KCNIP4: variants seen among roughly 807,000 people sequenced by gnomAD.
KCNIP4 encodes potassium voltage-gated channel interacting protein 4.
KCNIP4 carries 12 observed loss-of-function variants against 34.0 expected under a neutral mutation model. The ratio of observed to expected loss-of-function variants is 0.35; its 90% CI spans 0.23 to 0.57. KCNIP4 has a LOEUF of 0.57. Among genes scored for constraint, KCNIP4 ranks in the 20% least tolerant of loss-of-function variants. The pLI, the probability that KCNIP4 is intolerant of heterozygous loss-of-function variation, is 0.83. For missense variants in KCNIP4, 238 were observed against 311.7 expected, an observed-to-expected ratio of 0.76 and a Z score of 1.78; for synonymous variants, 124 against 102.2, an observed-to-expected ratio of 1.21 and a Z score of -1.29.
At chr4:21,419,631 G>A (rs1725280012) in intron 1 of KCNIP4, among the ~76,000 whole-genome samples, 1 of 152,056 alleles carries the variant, frequency 6.6e-6, no homozygotes, top group Non-Finnish European at 1.5e-5. Flanking sequence ...ATTAGTGACT[G>A]TTATTTATCA....
At chr4:21,360,601 C>A (rs1349471386) in intron 1 of KCNIP4, among the ~76,000 whole-genome samples, 1 of 152,038 alleles carries the variant, frequency 6.6e-6, no homozygotes, top group East Asian at 1.9e-4. Context: ...TAATGGGTTT[C>A]TTTAAACTAA....
chr4:21,468,937 G>A (rs922259889), intron 1 of KCNIP4, among the ~76,000 whole-genome samples: 7 of 152,086 alleles, frequency 4.6e-5, no homozygotes, highest in African/African-American at 1.7e-4. Context: ...ACACAGCAGT[G>A]ATTCTCCAAA....
intron 1 of KCNIP4, among the ~76,000 whole-genome samples, chr4:21,178,686 G>C (rs946413496): frequency 4.0e-5 from 6 of 151,854 alleles, no homozygotes; most frequent in African/African-American, 9.7e-5. Flanking sequence ...CTAAGTGTTT[G>C]CTTCCTCCTG....
At chr4:21,441,530 A>G (rs1186155202) in intron 1 of KCNIP4, among the ~76,000 whole-genome samples, 2 of 152,184 alleles carry the variant, frequency 1.3e-5, no homozygotes, top group African/African-American at 2.4e-5. Flanking sequence ...ATAATTGATT[A>G]GAAGAATGAA....
intron 1 of KCNIP4, among the ~76,000 whole-genome samples, chr4:21,861,873 T>A (rs950367112): frequency 1.3e-5 from 2 of 152,126 alleles, no homozygotes; most frequent in Non-Finnish European, 2.9e-5. Context: ...TTATAACTTA[T>A]CTCACTCAGA....
intron 1 of KCNIP4, among the ~76,000 whole-genome samples, chr4:21,673,330 T>C (rs547012580): frequency 6.6e-6 from 1 of 152,198 alleles, no homozygotes; most frequent in Non-Finnish European, 1.5e-5. Flanking sequence ...ATTCTTTATA[T>C]CTTCTTGGTT....
At chr4:21,268,307 C>T (rs915322347) in intron 1 of KCNIP4, among the ~76,000 whole-genome samples, 3 of 146,264 alleles carry the variant, frequency 2.1e-5, no homozygotes, top group African/African-American at 5.0e-5. Flanking sequence ...AATGGAGTCT[C>T]TGGGTGCACA....
intron 1 of KCNIP4, among the ~76,000 whole-genome samples, chr4:21,797,904 G>A (rs2109246434): frequency 1.3e-5 from 2 of 152,158 alleles, no homozygotes; most frequent in East Asian, 3.9e-4. Context: ...CTATATATAT[G>A]AGGCCAATGG....
intron 1 of KCNIP4, among the ~76,000 whole-genome samples, chr4:21,170,007 A>G (rs1444313070): frequency 1.3e-5 from 2 of 152,208 alleles, no homozygotes; most frequent in Non-Finnish European, 2.9e-5. Flanking sequence ...ACTTCTGTCT[A>G]TCAGAGCCTT....
intron 8 of KCNIP4, chr4:20,731,344 G>A: frequency 1.0e-6 from 1 of 956,160 alleles, no homozygotes. Flanking sequence ...ATAGTGCTGG[G>A]ATTACAGTTG....
At chr4:21,072,872 A>T (rs1341744079) in intron 1 of KCNIP4, among the ~76,000 whole-genome samples, 1 of 152,154 alleles carries the variant, frequency 6.6e-6, no homozygotes, top group Non-Finnish European at 1.5e-5. Flanking sequence ...ATGGCTAGCC[A>T]GTTTTCCCAG....
intron 1 of KCNIP4, among the ~76,000 whole-genome samples, chr4:21,453,184 G>T (rs1034118184): frequency 5.9e-5 from 9 of 151,828 alleles, no homozygotes; most frequent in South Asian, 2.1e-4. Flanking sequence ...GTATGTGGGG[G>T]TGAGATTTAA....
At chr4:21,290,590 T>G (rs4696973) in intron 1 of KCNIP4, among the ~76,000 whole-genome samples, 90,318 of 152,066 alleles carry the variant, frequency 0.59, 29,201 homozygotes, top group African/African-American at 0.86. Flanking sequence ...TCAACACAGT[T>G]GTATTTGCCA....
chr4:21,239,950 A>G (rs1405997797), intron 1 of KCNIP4, among the ~76,000 whole-genome samples: 1 of 152,080 alleles, frequency 6.6e-6, no homozygotes, highest in African/African-American at 2.4e-5. Context: ...CACTATTCAC[A>G]ATAGCAAAGA....
intron 1 of KCNIP4, among the ~76,000 whole-genome samples, chr4:21,030,226 A>G (rs28362055): frequency 6.6e-6 from 1 of 151,996 alleles, no homozygotes; most frequent in Non-Finnish European, 1.5e-5. Context: ...AGATTCTCTT[A>G]GGAGCGTGAA....
At chr4:21,670,851 T>C (rs1749438733) in intron 1 of KCNIP4, among the ~76,000 whole-genome samples, 1 of 151,940 alleles carries the variant, frequency 6.6e-6, no homozygotes, top group Admixed American at 6.6e-5. Context: ...AGAGACGGGG[T>C]TTCACTGTGT....
At chr4:21,320,922 GC>G (rs1337605931) in intron 1 of KCNIP4, among the ~76,000 whole-genome samples, 1 of 141,672 alleles carries the variant, frequency 7.1e-6, no homozygotes, top group Non-Finnish European at 1.5e-5. Context: ...CTGAGATGGT[GC>G]CACTGTACTC....
rs190016912 is a variant in KCNIP4, at chr4:21,931,642, T to G, written c.61+16929A>C. Among the ~76,000 whole-genome samples the G allele has an allele frequency of 3.8e-3, 584 of 152,160 alleles. 3 individuals are homozygous for G. The highest frequency in any genetic ancestry group is 0.013 in the African/African-American group (535 of 41,522). ...CATAGTATTCAAATGTATTCAATGG[T>G]GTATATGTGACACATTTTCCTAATT... On this transcript the variant is annotated intron_variant, in intron 1 of 8. Coordinates refer to ENST00000382152, the MANE Select transcript of KCNIP4 (RefSeq NM_025221.6).
At chr4:21,192,915 TCTACTACTA>T (rs576122943) in intron 1 of KCNIP4, among the ~76,000 whole-genome samples, 4 of 94,280 alleles carry the variant, frequency 4.2e-5, no homozygotes, top group South Asian at 3.6e-4. Flanking sequence ...CCGCCCCGTC[TCTACTACTA>T]CTACTACTAC....
Sources: gnomAD v4.1 joint callset for allele counts (sites outside exome capture counted in the v4.1 genomes callset) on GRCh38, gnomAD v4.1.1 for gene constraint, MANE v1.5 for transcripts, NCBI Gene and HGNC (gene_info 2026-07-23, HGNC 2026-07-21) for gene names.